TRPM3: variants seen among roughly 807,000 people sequenced by gnomAD.
TRPM3 encodes long transient receptor potential channel 3.
In TRPM3, 77 loss-of-function variants were observed where a neutral mutation model predicts 181.2. The observed-to-expected ratio is 0.42, with a 90% CI of 0.35 to 0.51. TRPM3 has a LOEUF of 0.51. TRPM3 is among the 20% of genes least tolerant of loss of function. The pLI is 0.01. For missense variants in TRPM3, 1,759 were observed against 2,196.7 expected, an observed-to-expected ratio of 0.80 and a Z score of 3.98; for synonymous variants, 745 against 796.4, an observed-to-expected ratio of 0.94 and a Z score of 1.09.
intron 1 of TRPM3, among the ~76,000 whole-genome samples, chr9:71,296,687 C>G (rs1588353862): frequency 6.6e-6 from 1 of 152,112 alleles, no homozygotes; most frequent in Admixed American, 6.6e-5. Context: ...AACTAGCACT[C>G]TATCTGCTAC....
Position 70,536,755 on chromosome 9 carries a change from G to A in TRPM3, c.4358C>T (p.Ser1453Leu), listed in dbSNP as rs1424018880. Reference sequence around the variant, plus strand: ...TGCAAGTGTTGCATAGGCACTACTTGAAGGGGCTGTGGAAGGTACTGGAGT... The same window carrying A: ...TGCAAGTGTTGCATAGGCACTACTTAAAGGGGCTGTGGAAGGTACTGGAGT... ...FSTPVPSTAP[S>L]SSAYATLAPT... The change falls in exon 26 of 26, where the codon TCA (serine) becomes TTA (leucine). Residue 1453 changes from serine to leucine, a missense_variant. Physicochemically the swap from Ser to Leu is moderately radical, Grantham distance 145. Coordinates refer to ENST00000677713, the MANE Select transcript of TRPM3 (RefSeq NM_001366145.2). The A allele has an allele frequency of 6.2e-7, 1 of 1,614,182 alleles. No homozygotes were observed. The highest frequency in any genetic ancestry group is 1.7e-5 in the Admixed American group (1 of 60,020).
At chr9:70,972,475 C>T (rs959111805) in intron 1 of TRPM3, among the ~76,000 whole-genome samples, 2 of 151,874 alleles carry the variant, frequency 1.3e-5, no homozygotes, top group African/African-American at 2.4e-5. Context: ...CTGGGATGAG[C>T]GGAAATGGGG....
Position 71,320,333 on chromosome 9 carries a change from C to A in TRPM3, c.183+126320G>T, listed in dbSNP as rs531360090. ...GCAATGTTAATTAAAAAAAAAAAAA[C>A]AAATGCTTATTACATGGTCTGAACA... On this transcript the variant is annotated intron_variant, in intron 1 of 24. Coordinates refer to the TRPM3 transcript ENST00000357533. 3.9e-3 allele frequency among the ~76,000 whole-genome samples: 564 copies of A among 144,012 alleles called. 2 individuals carry two copies. Among genetic ancestry groups the A allele is most frequent in the Non-Finnish European group, 5.8e-3 (377 of 64,684 alleles). 94.5% of individuals were successfully genotyped at this position (144,012 alleles called of 152,430 possible). A position where few individuals can be genotyped will look rare whatever the true frequency, so the allele number is the denominator to read the frequency against.
chr9:71,367,544 T>C (rs1053359513), intron 1 of TRPM3, among the ~76,000 whole-genome samples: 3 of 152,168 alleles, frequency 2.0e-5, no homozygotes, highest in Non-Finnish European at 4.4e-5. Context: ...AAAAGAATAT[T>C]ACATGAGGAC....
At chr9:71,316,791 C>G (rs1333953494) in intron 1 of TRPM3, among the ~76,000 whole-genome samples, 1 of 152,004 alleles carries the variant, frequency 6.6e-6, no homozygotes, top group Non-Finnish European at 1.5e-5. Context: ...ATTGTTTAAA[C>G]CATTAAGATT....
intron 1 of TRPM3, among the ~76,000 whole-genome samples, chr9:71,151,889 C>A (rs919496467): frequency 6.6e-6 from 1 of 152,092 alleles, no homozygotes; most frequent in Admixed American, 6.6e-5. Flanking sequence ...ATTCGCTGAG[C>A]TCTCATGTGA....
At chr9:71,236,241 T>C (rs999297429) in intron 1 of TRPM3, among the ~76,000 whole-genome samples, 1 of 152,206 alleles carries the variant, frequency 6.6e-6, no homozygotes, top group Non-Finnish European at 1.5e-5. Context: ...ACTTTCCCCA[T>C]GTATGGATTG....
chr9:71,013,605 G>A (rs1348761498), intron 1 of TRPM3, among the ~76,000 whole-genome samples: 3 of 151,920 alleles, frequency 2.0e-5, no homozygotes, highest in African/African-American at 7.2e-5. Flanking sequence ...AACTATCTCT[G>A]TGGAAACCAG....
chr9:70,949,739 A>G (rs2096977154), intron 1 of TRPM3, among the ~76,000 whole-genome samples: 1 of 152,146 alleles, frequency 6.6e-6, no homozygotes. Flanking sequence ...TGGGAAGTCA[A>G]TGAAGAATTT....
At chr9:70,844,718 A>G (rs10124944) in intron 4 of TRPM3, among the ~76,000 whole-genome samples, 1 of 152,068 alleles carries the variant, frequency 6.6e-6, no homozygotes, top group Non-Finnish European at 1.5e-5. Flanking sequence ...AGATGAACTC[A>G]TGGGTTTGTG....
At chr9:71,273,807 G>T (rs544805815) in intron 1 of TRPM3, among the ~76,000 whole-genome samples, 1 of 152,210 alleles carries the variant, frequency 6.6e-6, no homozygotes, top group African/African-American at 2.4e-5. Flanking sequence ...TGTCTGCTGG[G>T]CATTATGAAA....
At chr9:70,790,815 C>T (rs1017667353) in intron 6 of TRPM3, among the ~76,000 whole-genome samples, 1 of 152,010 alleles carries the variant, frequency 6.6e-6, no homozygotes, top group Admixed American at 6.6e-5. Context: ...GTGCTTCTTA[C>T]AATTAGGAAG....
chr9:71,041,901 A>G (rs1290957519), intron 1 of TRPM3, among the ~76,000 whole-genome samples: 1 of 152,014 alleles, frequency 6.6e-6, no homozygotes, highest in Non-Finnish European at 1.5e-5. Context: ...CTGCCTCAAT[A>G]TTTTCTCTTA....
At chr9:71,057,827 G>T (rs574658693) in intron 1 of TRPM3, among the ~76,000 whole-genome samples, 140 of 152,016 alleles carry the variant, frequency 9.2e-4, no homozygotes, top group African/African-American at 3.2e-3. Flanking sequence ...TTTAACATTT[G>T]ATTTAAAATA....
intron 1 of TRPM3, among the ~76,000 whole-genome samples, chr9:71,282,101 GA>G (rs1444548139): frequency 0.052 from 3,169 of 61,234 alleles, 102 homozygotes; most frequent in East Asian, 0.074. Context: ...GAGAAAGAAA[GA>G]AAAGAAAGAA....
chr9:70,998,162 TACATATATAC>T (rs1367224342), intron 1 of TRPM3, among the ~76,000 whole-genome samples: 2 of 141,642 alleles, frequency 1.4e-5, no homozygotes, highest in Admixed American at 7.3e-5. Context: ...TATACATATA[TACATATATAC>T]ACATATATAT....
intron 1 of TRPM3, among the ~76,000 whole-genome samples, chr9:71,097,416 T>C (rs1233480992): frequency 1.3e-5 from 2 of 152,146 alleles, no homozygotes; most frequent in Non-Finnish European, 2.9e-5. Context: ...GTTTGCATAG[T>C]ATTTACACTT....
At chr9:71,017,929 G>C (rs78983545) in intron 1 of TRPM3, among the ~76,000 whole-genome samples, 9,299 of 151,648 alleles carry the variant, frequency 0.061, 415 homozygotes, top group Admixed American at 0.14. Flanking sequence ...CATATTCTGG[G>C]CCATGAAACA....
chr9:71,344,463 T>A (rs975205557), intron 1 of TRPM3, among the ~76,000 whole-genome samples: 5 of 151,002 alleles, frequency 3.3e-5, no homozygotes, highest in South Asian at 2.1e-4. Context: ...AAAAAAAAAA[T>A]TAACTGGAGC....
Sources: gnomAD v4.1 joint callset for allele counts (sites outside exome capture counted in the v4.1 genomes callset) on GRCh38, gnomAD v4.1.1 for gene constraint, MANE v1.5 for transcripts, NCBI Gene and HGNC (gene_info 2026-07-23, HGNC 2026-07-21) for gene names.